The following CTNNA3 variants were observed in gnomAD, a reference collection of about 807,000 sequenced individuals.
CTNNA3 encodes catenin alpha-3.
CTNNA3 carries 76 observed loss-of-function variants against 95.7 expected under a neutral mutation model. The ratio of observed to expected loss-of-function variants is 0.79; its 90% CI spans 0.66 to 0.96. The LOEUF (loss-of-function observed/expected upper bound fraction) is 0.96. Among genes scored for constraint, CTNNA3 ranks in the 40% least tolerant of loss-of-function variants. The probability of loss-of-function intolerance (pLI) is 0.00; values close to 1 mark genes in which losing one functional copy is unlikely to be tolerated. For missense variants in CTNNA3, 1,191 were observed against 1,089.8 expected (o/e 1.09, Z -1.31); for synonymous variants, 431 against 374.4 (o/e 1.15, Z -1.74).
chr10:67,007,287 T>C (rs1852052834), intron 7 of CTNNA3, among the ~76,000 whole-genome samples: 1 of 152,182 alleles, frequency 6.6e-6, no homozygotes, highest in Non-Finnish European at 1.5e-5. Context: ...ATTAACAAAT[T>C]GGCTCTTTTT....
intron 11 of CTNNA3, among the ~76,000 whole-genome samples, chr10:66,444,506 T>C (rs1564969339): frequency 5.9e-5 from 9 of 151,972 alleles, no homozygotes; most frequent in Non-Finnish European, 2.9e-5. Context: ...CAGAAGAGAG[T>C]GGGGGCCAAC....
intron 11 of CTNNA3, among the ~76,000 whole-genome samples, chr10:66,437,561 AC>A (rs1198395579): frequency 6.6e-6 from 1 of 151,960 alleles, no homozygotes; most frequent in Non-Finnish European, 1.5e-5. Flanking sequence ...TCTTCTCTAA[AC>A]TGCTTATTCC....
At chr10:66,137,374 C>T (rs541465325) in intron 13 of CTNNA3, among the ~76,000 whole-genome samples, 14 of 152,064 alleles carry the variant, frequency 9.2e-5, no homozygotes, top group African/African-American at 3.4e-4. Flanking sequence ...TTATAAATGT[C>T]ATGGAATACC....
intron 13 of CTNNA3, among the ~76,000 whole-genome samples, chr10:66,247,130 A>C (rs1209531766): frequency 6.6e-6 from 1 of 152,052 alleles, no homozygotes; most frequent in Non-Finnish European, 1.5e-5. Flanking sequence ...AAATGAAAAA[A>C]ATGTATTAAA....
At chr10:66,811,337 C>A (rs1447671761) in intron 7 of CTNNA3, among the ~76,000 whole-genome samples, 2 of 152,080 alleles carry the variant, frequency 1.3e-5, no homozygotes, top group African/African-American at 2.4e-5. Flanking sequence ...CAAAAGAGAA[C>A]AATTGTCTTC....
intron 13 of CTNNA3, among the ~76,000 whole-genome samples, chr10:66,116,516 T>G (rs975712041): frequency 6.6e-6 from 1 of 151,430 alleles, no homozygotes; most frequent in South Asian, 2.1e-4. Context: ...ACAAATGGTA[T>G]GCCCATTTAA....
At chr10:66,203,116 T>C (rs1358263591) in intron 13 of CTNNA3, among the ~76,000 whole-genome samples, 4 of 152,202 alleles carry the variant, frequency 2.6e-5, no homozygotes, top group Admixed American at 1.3e-4. Flanking sequence ...TAGATCTATG[T>C]CCATCACTGT....
chr10:66,040,436 T>C (rs372008130), intron 15 of CTNNA3, among the ~76,000 whole-genome samples: 1 of 151,940 alleles, frequency 6.6e-6, no homozygotes, highest in Non-Finnish European at 1.5e-5. Flanking sequence ...TGTATGTTCA[T>C]TGCAACACTA....
intron 10 of CTNNA3, among the ~76,000 whole-genome samples, chr10:66,571,714 C>A (rs1842871970): frequency 1.3e-5 from 2 of 152,030 alleles, no homozygotes; most frequent in African/African-American, 4.8e-5. Flanking sequence ...ATAATAGGGT[C>A]ATTATAGATT....
At chr10:67,224,987 A>G (rs1158207257) in intron 5 of CTNNA3, among the ~76,000 whole-genome samples, 1 of 152,150 alleles carries the variant, frequency 6.6e-6, no homozygotes, top group Non-Finnish European at 1.5e-5. Flanking sequence ...GCAAGTTCTC[A>G]AGCCCAGCTT....
intron 17 of CTNNA3, among the ~76,000 whole-genome samples, chr10:65,962,885 C>A (rs190313846): frequency 3.5e-4 from 53 of 152,268 alleles, no homozygotes; most frequent in African/African-American, 1.3e-3. Flanking sequence ...AGGACATTAA[C>A]TCATCCTTTT....
At chr10:66,468,625 C>T (rs185166648) in intron 11 of CTNNA3, among the ~76,000 whole-genome samples, 643 of 151,878 alleles carry the variant, frequency 4.2e-3, no homozygotes, top group Non-Finnish European at 7.0e-3. Context: ...CTTCTCAGCA[C>T]ACACATGAAA....
chr10:66,713,856 C>A (rs760717283), intron 9 of CTNNA3, among the ~76,000 whole-genome samples: 1 of 152,092 alleles, frequency 6.6e-6, no homozygotes, highest in African/African-American at 2.4e-5. Context: ...GAGACACCTT[C>A]ATTTATACTC....
chr10:66,355,261 C>G (rs1247479125), intron 12 of CTNNA3, among the ~76,000 whole-genome samples: 4 of 152,090 alleles, frequency 2.6e-5, no homozygotes, highest in African/African-American at 7.2e-5. Context: ...GTAGCAAGCC[C>G]ATTTTATTGT....
chr10:66,855,323 G>A (rs1843647783), intron 7 of CTNNA3, among the ~76,000 whole-genome samples: 2 of 151,944 alleles, frequency 1.3e-5, no homozygotes, highest in South Asian at 4.1e-4. Context: ...CCTGGGCATA[G>A]TACTTTATAA....
chr10:66,036,964 G>A (rs1289209879), intron 15 of CTNNA3, among the ~76,000 whole-genome samples: 2 of 144,558 alleles, frequency 1.4e-5, no homozygotes, highest in African/African-American at 5.2e-5. Flanking sequence ...GCTCCGCTTC[G>A]TGGGTTCACG....
chr10:67,072,277 C>T (rs1435381390), intron 7 of CTNNA3, among the ~76,000 whole-genome samples: 1 of 152,068 alleles, frequency 6.6e-6, no homozygotes, highest in Non-Finnish European at 1.5e-5. Flanking sequence ...TCTATGTGTC[C>T]CACTTCTCCA....
intron 9 of CTNNA3, among the ~76,000 whole-genome samples, chr10:66,680,025 T>C (rs1847009242): frequency 6.6e-6 from 1 of 152,020 alleles, no homozygotes; most frequent in African/African-American, 2.4e-5. Flanking sequence ...TGACACGGAT[T>C]CTCTGTCACC....
intron 10 of CTNNA3, among the ~76,000 whole-genome samples, chr10:66,579,789 C>G (rs539597374): frequency 6.6e-6 from 1 of 151,838 alleles, no homozygotes; most frequent in East Asian, 1.9e-4. Flanking sequence ...TCTTTCAGCA[C>G]TTCAAAACTA....
Sources: gnomAD v4.1 joint callset for allele counts (sites outside exome capture counted in the v4.1 genomes callset) on GRCh38, gnomAD v4.1.1 for gene constraint, MANE v1.5 for transcripts, NCBI Gene and HGNC (gene_info 2026-07-23, HGNC 2026-07-21) for gene names.